The following ZNF248 variants were observed in gnomAD, a reference collection of about 807,000 sequenced individuals.
ZNF248 encodes KRAB protein domain.
A neutral mutation model predicts 44.3 loss-of-function variants in ZNF248; 20 were observed. The observed-to-expected ratio is 0.45, with a 90% CI of 0.32 to 0.66. The LOEUF (loss-of-function observed/expected upper bound fraction) is 0.66, where lower values mean the gene tolerates loss of function less well. ZNF248 is among the 30% of genes least tolerant of loss of function. The pLI, the probability that ZNF248 is intolerant of heterozygous loss-of-function variation, is 0.04. For missense variants in ZNF248, 654 were observed against 677.0 expected (o/e 0.97, Z 0.38); for synonymous variants, 224 against 229.0 (o/e 0.98, Z 0.20).
At position 37,819,349 on chromosome 10, in the gene ZNF248, G is replaced by C; in HGVS notation, c.330+13676C>G. On this transcript the variant is annotated intron_variant, in intron 6 of 6. Transcript: ENST00000615949. ...AGTAATCATACAGCTTAATTATTCT[G>C]GGATGATCCAGTTCTTTATGAATCC... The C allele has an allele frequency of 1.3e-5, 15 of 1,181,470 alleles. No homozygotes were observed. The South Asian group carries it at 1.8e-4, about 14-fold the overall frequency. The allele number at this position is 1,181,470 out of a possible 1,614,324, so 73.2% of individuals were successfully genotyped here.
At chr10:37,780,895 G>A (rs771346328) in intron 6 of ZNF248, among the ~76,000 whole-genome samples, 16 of 152,158 alleles carry the variant, frequency 1.1e-4, no homozygotes, top group Non-Finnish European at 1.9e-4. Flanking sequence ...GTTCCGGGGC[G>A]TCTCTGCAAG....
chr10:37,838,652 C>A (rs2057721520), intron 3 of ZNF248, among the ~76,000 whole-genome samples: 1 of 151,788 alleles, frequency 6.6e-6, no homozygotes, highest in African/African-American at 2.4e-5. Flanking sequence ...TCTTCTGGAG[C>A]TTCCACCAAT....
intron 6 of ZNF248, among the ~76,000 whole-genome samples, chr10:37,796,935 C>T (rs1252651493): frequency 6.6e-6 from 1 of 151,520 alleles, no homozygotes; most frequent in East Asian, 1.9e-4. Flanking sequence ...AAACCTCATG[C>T]ATCAACAAAT....
At chr10:37,790,595 A>G (rs1041176143) in intron 6 of ZNF248, among the ~76,000 whole-genome samples, 5 of 152,066 alleles carry the variant, frequency 3.3e-5, no homozygotes, top group African/African-American at 1.2e-4. Context: ...CTGTAGTCTC[A>G]GCTACTCGGG....
intron 6 of ZNF248, among the ~76,000 whole-genome samples, chr10:37,821,832 C>T (rs1007340181): frequency 1.3e-5 from 2 of 152,180 alleles, no homozygotes; most frequent in Non-Finnish European, 2.9e-5. Flanking sequence ...CTAATCTCAC[C>T]TTCTTTTCTC....
At chr10:37,823,357 AAAAAAGC>A in intron 6 of ZNF248, among the ~76,000 whole-genome samples, 1 of 150,038 alleles carries the variant, frequency 6.7e-6, no homozygotes, top group South Asian at 2.1e-4. Flanking sequence ...AAAAAAAAAA[AAAAAAGC>A]AAATAACAAC....
chr10:37,768,039 G>A, the ZNF248 span, among the ~76,000 whole-genome samples: 37 of 152,168 alleles, frequency 2.4e-4, no homozygotes, highest in Admixed American at 6.5e-4. Flanking sequence ...AGGCCATTAC[G>A]TAATAGTAAA....
chr10:37,845,437 T>C (rs1025605925), intron 3 of ZNF248, among the ~76,000 whole-genome samples: 1 of 145,130 alleles, frequency 6.9e-6, no homozygotes, highest in East Asian at 2.0e-4. Flanking sequence ...GTTCAGTGGA[T>C]CTTAAATAAG....
chr10:37,834,242 ACT>A (rs767676049), intron 5 of ZNF248, among the ~76,000 whole-genome samples: 63 of 152,266 alleles, frequency 4.1e-4, no homozygotes, highest in Non-Finnish European at 7.9e-4. Flanking sequence ...TTTAGAAGTT[ACT>A]GTTTATATAA....
the ZNF248 span, among the ~76,000 whole-genome samples, chr10:37,760,662 C>T: frequency 6.2e-4 from 95 of 152,198 alleles, no homozygotes; most frequent in African/African-American, 2.0e-3. Flanking sequence ...GGTGAAACCC[C>T]GTTTCTACTA....
intron 6 of ZNF248, among the ~76,000 whole-genome samples, chr10:37,782,702 A>G (rs1209406795): frequency 6.6e-6 from 1 of 152,102 alleles, no homozygotes; most frequent in Non-Finnish European, 1.5e-5. Flanking sequence ...TTTGATATGG[A>G]GGCAGAGATT....
chr10:37,853,567 A>G (rs996034213), intron 3 of ZNF248, among the ~76,000 whole-genome samples: 3 of 151,794 alleles, frequency 2.0e-5, no homozygotes, highest in Non-Finnish European at 4.4e-5. Context: ...TTTAGTAGAG[A>G]CGGGGTTTCT....
Position 37,833,072 on chromosome 10 carries a change from T to C in ZNF248, c.283A>G (p.Asn95Asp). 6.2e-7 allele frequency: 1 copy of C among 1,610,062 alleles called. No individual in the cohort carries two copies. The highest frequency in any genetic ancestry group is 8.5e-7 in the Non-Finnish European group (1 of 1,178,692). Residue 95 changes from asparagine to aspartate, a missense_variant, in exon 6 of 6, where the codon AAT (asparagine) becomes GAT (aspartate). By Grantham distance (23) the Asn-to-Asp change is conservative (BLOSUM62 1). Transcript: ENST00000395867. The part of the protein sequence containing the change: ...VDDVLESSQE[N>D]EDDHFWELLF... Reference sequence around the variant, plus strand: ...AGCTCCCAAAAATGGTCATCTTCATTTTCCTGGCTGCTCTCTAACACGTCA... The same window carrying C: ...AGCTCCCAAAAATGGTCATCTTCATCTTCCTGGCTGCTCTCTAACACGTCA...
downstream of ZNF248, among the ~76,000 whole-genome samples, chr10:37,824,049 G>C (rs1241326277): frequency 5.3e-5 from 8 of 152,100 alleles, no homozygotes; most frequent in African/African-American, 1.7e-4. Flanking sequence ...ATAAGGAATT[G>C]GCTCACCTGA....
chr10:37,851,858 C>T (rs1208660), intron 3 of ZNF248, among the ~76,000 whole-genome samples: 9,105 of 148,718 alleles, frequency 0.061, 358 homozygotes, highest in Middle Eastern at 0.11. Flanking sequence ...CAGTGGCTAG[C>T]GGAAATATAA....
chr10:37,817,539 T>C (rs1320348276), intron 6 of ZNF248, among the ~76,000 whole-genome samples: 1 of 152,088 alleles, frequency 6.6e-6, no homozygotes, highest in East Asian at 1.9e-4. Flanking sequence ...CACTCAATTT[T>C]TTCCCTACTG....
intron 6 of ZNF248, among the ~76,000 whole-genome samples, chr10:37,785,423 A>C (rs1475944272): frequency 1.3e-5 from 2 of 152,214 alleles, no homozygotes; most frequent in African/African-American, 4.8e-5. Flanking sequence ...AGGCAGGGAA[A>C]CAACAGTTTA....
chr10:37,833,873 G>T (rs1209214758), intron 5 of ZNF248, among the ~76,000 whole-genome samples: 1 of 152,062 alleles, frequency 6.6e-6, no homozygotes, highest in African/African-American at 2.4e-5. Context: ...TGAGTTCAAG[G>T]GAGTTGTTTT....
the ZNF248 span, among the ~76,000 whole-genome samples, chr10:37,761,710 GAGC>G: frequency 1.3e-5 from 2 of 152,154 alleles, no homozygotes; most frequent in African/African-American, 4.8e-5. Context: ...TTTTTCCTAA[GAGC>G]ATATTCTCCC....
Sources: allele counts gnomAD v4.1 joint callset (sites outside exome capture counted in the v4.1 genomes callset), GRCh38; gene constraint gnomAD v4.1.1; transcripts MANE v1.5; gene names NCBI Gene and HGNC (gene_info 2026-07-23, HGNC 2026-07-21).